CNTNAP2: variants seen among roughly 807,000 people sequenced by gnomAD.
CNTNAP2 encodes contactin-associated protein-like 2.
CNTNAP2 carries 98 observed loss-of-function variants against 155.2 expected under a neutral mutation model. The ratio of observed to expected loss-of-function variants is 0.63; its 90% confidence interval spans 0.54 to 0.75. The LOEUF (loss-of-function observed/expected upper bound fraction) is 0.75. Ranked by LOEUF, CNTNAP2 falls within the 30% of genes least tolerant of loss-of-function variation. The pLI is 0.00. For missense variants in CNTNAP2, 1,727 were observed against 1,688.1 expected (o/e 1.02, Z -0.40); for synonymous variants, 651 against 631.2 (o/e 1.03, Z -0.47).
chr7:146,822,155 G>A (rs1005774220), intron 2 of CNTNAP2, among the ~76,000 whole-genome samples: 1 of 152,100 alleles, frequency 6.6e-6, no homozygotes, highest in East Asian at 1.9e-4. Context: ...AAAATGATGA[G>A]TTCATGTCCT....
At chr7:147,404,960 A>C (rs2116475179) in intron 10 of CNTNAP2, among the ~76,000 whole-genome samples, 1 of 152,348 alleles carries the variant, frequency 6.6e-6, no homozygotes, top group South Asian at 2.1e-4. Context: ...TAAGAAATAA[A>C]GGAAAAGAAA....
chr7:147,263,233 G>GCC (rs1345271968), intron 8 of CNTNAP2, among the ~76,000 whole-genome samples: 2 of 152,074 alleles, frequency 1.3e-5, no homozygotes, highest in Non-Finnish European at 2.9e-5. Flanking sequence ...ATACATGCCT[G>GCC]TGGTCCCAGC....
chr7:148,113,766 G>T (rs2116601543), intron 15 of CNTNAP2, among the ~76,000 whole-genome samples: 1 of 152,238 alleles, frequency 6.6e-6, no homozygotes, highest in South Asian at 2.1e-4. Context: ...CTTCTCATGT[G>T]ATTGACTCAC....
At chr7:146,835,656 G>A (rs1803602787) in intron 2 of CNTNAP2, among the ~76,000 whole-genome samples, 1 of 152,130 alleles carries the variant, frequency 6.6e-6, no homozygotes, top group South Asian at 2.1e-4. Context: ...CTCATTGTTA[G>A]TAAACAGATT....
intron 8 of CNTNAP2, among the ~76,000 whole-genome samples, chr7:147,168,587 C>A (rs1802167095): frequency 6.6e-6 from 1 of 152,002 alleles, no homozygotes; most frequent in South Asian, 2.1e-4. Context: ...AAGAACAAAA[C>A]TCGTGAAGAT....
chr7:146,822,251 C>T (rs1272076630), intron 2 of CNTNAP2, among the ~76,000 whole-genome samples: 3 of 152,000 alleles, frequency 2.0e-5, no homozygotes, highest in Admixed American at 6.6e-5. Context: ...TGTTCTCACT[C>T]ATATGTGGGA....
At chr7:147,192,219 G>A (rs1227693364) in intron 8 of CNTNAP2, among the ~76,000 whole-genome samples, 1 of 152,124 alleles carries the variant, frequency 6.6e-6, no homozygotes, top group Non-Finnish European at 1.5e-5. Context: ...TTCTCCAGTG[G>A]TCGGAAACAT....
At chr7:147,474,286 A>G (rs1053977867) in intron 10 of CNTNAP2, among the ~76,000 whole-genome samples, 1 of 151,810 alleles carries the variant, frequency 6.6e-6, no homozygotes, top group Non-Finnish European at 1.5e-5. Context: ...AATGAGCCAC[A>G]GTTTTTTAAA....
At chr7:146,525,832 C>T (rs1295687490) in intron 1 of CNTNAP2, among the ~76,000 whole-genome samples, 1 of 152,044 alleles carries the variant, frequency 6.6e-6, no homozygotes, top group Non-Finnish European at 1.5e-5. Flanking sequence ...GGGATATCAG[C>T]TCCCTTACCT....
rs1031985810 is a variant in CNTNAP2, at chr7:146,926,966, T to C, written c.402+87062T>C. On this transcript the variant is annotated intron_variant, in intron 3 of 23. Transcript: ENST00000361727. The stretch of plus-strand genomic sequence containing the variant: ...AGCCTTTAACCCCGAAGCCACATGT[T>C]TCCACTAACAAGAAGAAATCCTTGA... 2.6e-5 allele frequency among the ~76,000 whole-genome samples: 4 copies of C among 152,096 alleles called. 1 individual carries two copies. The highest frequency in any genetic ancestry group is 1.3e-4 in the Admixed American group (2 of 15,264).
chr7:147,485,611 G>A (rs1209326826), intron 10 of CNTNAP2, among the ~76,000 whole-genome samples: 1 of 152,120 alleles, frequency 6.6e-6, no homozygotes, highest in Non-Finnish European at 1.5e-5. Context: ...TCTTTCACCA[G>A]GAGGGAACTT....
rs567634015 is a variant in CNTNAP2, at chr7:147,351,822, C to T, written c.1499-43787C>T. Reference sequence around the variant, plus strand: ...ATGGTAGCTAAAGAGCAGATAAAGACTATATGAATCTGATTCCCCAAGACA... The same window carrying T: ...ATGGTAGCTAAAGAGCAGATAAAGATTATATGAATCTGATTCCCCAAGACA... On this transcript the variant is annotated intron_variant, in intron 9 of 23. Transcript: ENST00000361727. 1.1e-3 allele frequency among the ~76,000 whole-genome samples: 169 copies of T among 151,928 alleles called. 1 individual carries two copies. Among genetic ancestry groups the T allele is most frequent in the Non-Finnish European group, 1.5e-3 (100 of 67,782 alleles).
intron 9 of CNTNAP2, among the ~76,000 whole-genome samples, chr7:147,367,427 A>G (rs1044976473): frequency 6.6e-6 from 1 of 152,208 alleles, no homozygotes; most frequent in Non-Finnish European, 1.5e-5. Flanking sequence ...GATGGCCATG[A>G]GATCCAGAAT....
intron 3 of CNTNAP2, among the ~76,000 whole-genome samples, chr7:147,006,678 T>C (rs1798530923): frequency 6.6e-6 from 1 of 152,138 alleles, no homozygotes; most frequent in Admixed American, 6.6e-5. Context: ...AAGTGTGTGA[T>C]AATAAGGAAA....
intron 8 of CNTNAP2, among the ~76,000 whole-genome samples, chr7:147,175,178 T>G (rs1422895436): frequency 1.3e-5 from 2 of 152,190 alleles, no homozygotes; most frequent in African/African-American, 4.8e-5. Context: ...TACATTTGTC[T>G]TAAATCACCC....
intron 13 of CNTNAP2, among the ~76,000 whole-genome samples, chr7:147,719,649 G>T (rs1191778906): frequency 3.3e-5 from 5 of 151,992 alleles, no homozygotes; most frequent in Non-Finnish European, 7.4e-5. Context: ...CTAGGTAGGG[G>T]TATGAAATTT....
intron 8 of CNTNAP2, among the ~76,000 whole-genome samples, chr7:147,203,478 C>A (rs1341563663): frequency 6.6e-6 from 1 of 152,098 alleles, no homozygotes; most frequent in African/African-American, 2.4e-5. Flanking sequence ...GTGATCCGCC[C>A]GCCTCGGCCT....
At chr7:147,210,887 G>A (rs1803131886) in intron 8 of CNTNAP2, among the ~76,000 whole-genome samples, 1 of 151,788 alleles carries the variant, frequency 6.6e-6, no homozygotes, top group Non-Finnish European at 1.5e-5. Flanking sequence ...TAGTTTTGAG[G>A]GATTTTCTTT....
intron 2 of CNTNAP2, among the ~76,000 whole-genome samples, chr7:146,788,960 A>G (rs975024268): frequency 2.0e-5 from 3 of 152,168 alleles, no homozygotes; most frequent in Non-Finnish European, 4.4e-5. Context: ...TGTCCTGTGT[A>G]TCAAGTATCC....
Sources: gnomAD v4.1 joint callset for allele counts (sites outside exome capture counted in the v4.1 genomes callset) on GRCh38, gnomAD v4.1.1 for gene constraint, MANE v1.5 for transcripts, NCBI Gene and HGNC (gene_info 2026-07-23, HGNC 2026-07-21) for gene names.